Variants in P3H2 observed in about 807,000 individuals in gnomAD.
P3H2 encodes the protein prolyl 3-hydroxylase 2.
Under a neutral mutation model 87.0 loss-of-function variants are expected in P3H2, and 80 were observed. The ratio of observed to expected loss-of-function variants is 0.92; its 90% confidence interval spans 0.77 to 1.11. P3H2 has a LOEUF of 1.11. Among genes scored for constraint, P3H2 ranks in the 50% least tolerant of loss-of-function variants. The pLI is 0.00. For missense variants in P3H2, 1,001 were observed against 923.9 expected, an observed-to-expected ratio of 1.08 and a Z score of -1.08; for synonymous variants, 367 against 359.3, an observed-to-expected ratio of 1.02 and a Z score of -0.24.
intron 1 of P3H2, among the ~76,000 whole-genome samples, chr3:190,108,651 A>G (rs1276834871): frequency 6.6e-6 from 1 of 151,998 alleles, no homozygotes; most frequent in South Asian, 2.1e-4. Context: ...CTATATACAC[A>G]TTTGTTTTTT....
At chr3:190,044,183 A>T (rs1373920024) in intron 1 of P3H2, among the ~76,000 whole-genome samples, 8 of 152,222 alleles carry the variant, frequency 5.3e-5, no homozygotes, top group Non-Finnish European at 1.2e-4. Context: ...GTCCAACTCC[A>T]TTCCCAGGAT....
chr3:190,057,531 C>T (rs559303418), intron 1 of P3H2, among the ~76,000 whole-genome samples: 2 of 152,262 alleles, frequency 1.3e-5, no homozygotes, highest in Admixed American at 1.3e-4. Flanking sequence ...GAAACAGAAT[C>T]CCACATCACT....
At chr3:190,042,053 G>A (rs1309660307) in intron 1 of P3H2, among the ~76,000 whole-genome samples, 1 of 152,180 alleles carries the variant, frequency 6.6e-6, no homozygotes, top group Non-Finnish European at 1.5e-5. Flanking sequence ...TTGGTAATTA[G>A]TGGCTTTAAA....
At position 189,988,979 on chromosome 3, in the gene P3H2, G is replaced by C; in HGVS notation, c.883C>G (p.Pro295Ala). The part of the protein sequence containing the change: ...HECVRELATR[P>A]GRLSPIENFL... ...TTCTCGATGGGAGAGAGGCGGCCAG[G>C]GCGGGTGGCAAGTTCCCTCACACAT... Residue 295 changes from proline to alanine, a missense_variant, in exon 4 of 15, where the codon CCT becomes GCT. Pro to Ala is a conservative substitution (Grantham distance 27). Coordinates refer to ENST00000319332, the MANE Select transcript of P3H2 (RefSeq NM_018192.4). 6.2e-7 allele frequency: 1 copy of C among 1,614,064 alleles called. No homozygotes were observed. The highest frequency in any genetic ancestry group is 8.5e-7 in the Non-Finnish European group (1 of 1,180,014).
intron 1 of P3H2, among the ~76,000 whole-genome samples, chr3:190,043,524 C>G (rs1196036424): frequency 6.6e-6 from 1 of 152,208 alleles, no homozygotes; most frequent in African/African-American, 2.4e-5. Context: ...AATTTCACTA[C>G]ACAAGAATTT....
chr3:189,973,690 A>AT (rs1723255202), intron 10 of P3H2, among the ~76,000 whole-genome samples: 1 of 150,712 alleles, frequency 6.6e-6, no homozygotes, highest in African/African-American at 2.4e-5. Context: ...TGCCTGGCTA[A>AT]TTTTTTTGTA....
intron 1 of P3H2, among the ~76,000 whole-genome samples, chr3:190,057,283 G>A (rs1369061126): frequency 1.3e-5 from 2 of 152,162 alleles, no homozygotes; most frequent in African/African-American, 2.4e-5. Context: ...CAGACCTACT[G>A]AATTAAAACT....
At chr3:190,098,265 A>C (rs710585) in intron 1 of P3H2, among the ~76,000 whole-genome samples, 20,667 of 152,160 alleles carry the variant, frequency 0.14, 1,450 homozygotes, top group East Asian at 0.17. Flanking sequence ...GGAGAAACTA[A>C]GTTTCCAAAA....
intron 7 of P3H2, among the ~76,000 whole-genome samples, chr3:189,983,843 T>A (rs1471442986): frequency 1.3e-5 from 2 of 152,170 alleles, no homozygotes; most frequent in Non-Finnish European, 2.9e-5. Context: ...GACCATGTGA[T>A]CTCAAGCAGG....
At chr3:190,088,789 AT>A (rs1727312045) in intron 1 of P3H2, among the ~76,000 whole-genome samples, 1 of 152,176 alleles carries the variant, frequency 6.6e-6, no homozygotes, top group South Asian at 2.1e-4. Flanking sequence ...AAAATGAAAA[AT>A]TTTATGTAGC....
chr3:190,023,438 G>A (rs1724991800), intron 1 of P3H2, among the ~76,000 whole-genome samples: 1 of 152,180 alleles, frequency 6.6e-6, no homozygotes, highest in Non-Finnish European at 1.5e-5. Flanking sequence ...TACAACCAGG[G>A]AGGATGGCGA....
At chr3:190,063,054 T>G (rs1389831173) in intron 1 of P3H2, among the ~76,000 whole-genome samples, 2 of 152,176 alleles carry the variant, frequency 1.3e-5, no homozygotes, top group Non-Finnish European at 2.9e-5. Context: ...ATTCTTCTAT[T>G]AAGCCAGTGT....
intron 1 of P3H2, among the ~76,000 whole-genome samples, chr3:190,056,846 T>A (rs1664109681): frequency 6.6e-6 from 1 of 151,504 alleles, no homozygotes; most frequent in South Asian, 2.1e-4. Context: ...CTAGGGAAAG[T>A]CCTCAGATCC....
At chr3:190,024,524 C>T (rs1206328164) in intron 1 of P3H2, among the ~76,000 whole-genome samples, 1 of 115,508 alleles carries the variant, frequency 8.7e-6, no homozygotes, top group African/African-American at 3.2e-5. Context: ...GAGTGAGGTT[C>T]CCTCTCAAAA....
intron 13 of P3H2, among the ~76,000 whole-genome samples, chr3:189,970,300 T>TTA (rs1723139684): frequency 7.0e-6 from 1 of 141,950 alleles, no homozygotes; most frequent in Non-Finnish European, 1.5e-5. Context: ...TATATATTTT[T>TTA]TATATATATA....
chr3:189,998,553 T>C (rs1459453617), intron 1 of P3H2, among the ~76,000 whole-genome samples: 4 of 152,334 alleles, frequency 2.6e-5, no homozygotes, highest in South Asian at 2.1e-4. Context: ...ATTCTGTACC[T>C]TATATATGCA....
At chr3:190,101,116 A>T (rs960562170) in intron 1 of P3H2, among the ~76,000 whole-genome samples, 1 of 151,956 alleles carries the variant, frequency 6.6e-6, no homozygotes, top group Admixed American at 6.6e-5. Context: ...GTGTGTTCTG[A>T]TGGCTTCATC....
At chr3:189,981,226 A>G (rs710553) in intron 8 of P3H2, among the ~76,000 whole-genome samples, 30,757 of 152,236 alleles carry the variant, frequency 0.2, 3,521 homozygotes, top group Non-Finnish European at 0.27. Context: ...ACTGGTTTGT[A>G]GCTGGTCAAT....
At chr3:190,104,714 G>A (rs984239815) in intron 1 of P3H2, among the ~76,000 whole-genome samples, 2 of 152,150 alleles carry the variant, frequency 1.3e-5, no homozygotes, top group Admixed American at 6.5e-5. Context: ...CTGATCAGTT[G>A]TAATAAATTT....
Sources: allele counts gnomAD v4.1 joint callset (sites outside exome capture counted in the v4.1 genomes callset), GRCh38; gene constraint gnomAD v4.1.1; transcripts MANE v1.5; gene names NCBI Gene and HGNC (gene_info 2026-07-23, HGNC 2026-07-21).